RGS5: variants seen among roughly 807,000 people sequenced by gnomAD.
RGS5 encodes regulator of G protein signaling 5, also known as regulator of G-protein signalling 5.
Under a neutral mutation model 18.9 loss-of-function variants are expected in RGS5, and 20 were observed. The observed-to-expected ratio is 1.06, with a 90% CI of 0.74 to 1.54. RGS5 has a LOEUF of 1.54. Among genes scored for constraint, RGS5 ranks in the 40% most tolerant of loss-of-function variants. The pLI is 0.00. For synonymous variants in RGS5, 57 were observed against 76.2 expected (o/e 0.75, Z 1.31); for missense variants, 201 against 211.8 (o/e 0.95, Z 0.32).
Position 163,241,821 on chromosome 1 carries a change from G to C in RGS5, c.-281+64412C>G, listed in dbSNP as rs573366021. 2.0e-5 allele frequency among the ~76,000 whole-genome samples: 3 copies of C among 152,298 alleles called. No individual in the cohort carries two copies. In the South Asian group the frequency reaches 6.2e-4, roughly 32 times the overall value. Reference sequence around the variant, plus strand: ...AGAAAAAGACACAATATTTTCACTGGAGACGAAGTGTTGGCCAGTGGCTGT... The same window carrying C: ...AGAAAAAGACACAATATTTTCACTGCAGACGAAGTGTTGGCCAGTGGCTGT... On this transcript the variant is annotated intron_variant, in intron 2 of 5. Coordinates refer to the RGS5 transcript ENST00000618415.
chr1:163,282,037 G>GCA (rs200843268), intron 2 of RGS5, among the ~76,000 whole-genome samples: 6,360 of 142,748 alleles, frequency 0.045, 163 homozygotes, highest in South Asian at 0.11. Flanking sequence ...CTTCAGAAGT[G>GCA]CACGCGCGCG....
intron 1 of RGS5, among the ~76,000 whole-genome samples, chr1:163,311,018 T>C (rs1437246980): frequency 6.6e-6 from 1 of 152,136 alleles, no homozygotes; most frequent in Non-Finnish European, 1.5e-5. Flanking sequence ...CACCCCATAA[T>C]CCAATTACCT....
At chr1:163,262,418 T>G (rs1175342815) in intron 2 of RGS5, among the ~76,000 whole-genome samples, 22 of 76,868 alleles carry the variant, frequency 2.9e-4, no homozygotes, top group African/African-American at 1.1e-3. Context: ...TTTGGTTTTT[T>G]GTTCTTGCAA....
chr1:163,223,502 G>C (rs1278628227), intron 2 of RGS5, among the ~76,000 whole-genome samples: 3 of 151,756 alleles, frequency 2.0e-5, no homozygotes, highest in African/African-American at 7.3e-5. Context: ...TGGTAGGTGT[G>C]TAGGGCACAA....
chr1:163,315,546 T>TA (rs1649997011), intron 1 of RGS5, among the ~76,000 whole-genome samples: 1 of 152,216 alleles, frequency 6.6e-6, no homozygotes, highest in Non-Finnish European at 1.5e-5. Flanking sequence ...CTAGAGAGGT[T>TA]AGAGTTTAAT....
chr1:163,207,822 A>G (rs1659984889), upstream of RGS5, among the ~76,000 whole-genome samples: 1 of 152,178 alleles, frequency 6.6e-6, no homozygotes, highest in Non-Finnish European at 1.5e-5. Context: ...AAAACAGGAG[A>G]TGAAAGACAC....
chr1:163,156,482 T>C (rs958683621), intron 3 of RGS5, among the ~76,000 whole-genome samples: 4 of 152,210 alleles, frequency 2.6e-5, no homozygotes, highest in Admixed American at 6.6e-5. Flanking sequence ...TGAAGATTTT[T>C]ATCATTATGA....
intron 2 of RGS5, among the ~76,000 whole-genome samples, chr1:163,246,471 T>C (rs1055010400): frequency 6.7e-6 from 1 of 150,354 alleles, no homozygotes; most frequent in Non-Finnish European, 1.5e-5. Context: ...CTCAGGACTC[T>C]GAGGCAGGAG....
Position 163,146,198 on chromosome 1 carries a change from G to A in RGS5, c.*1144C>T, listed in dbSNP as rs1348263713. 1 of 151,600 alleles carries A rather than the reference G, an allele frequency of 6.6e-6. No homozygotes were observed. The highest frequency in any genetic ancestry group is 1.5e-5 in the Non-Finnish European group (1 of 67,946). 9.4% of individuals were successfully genotyped at this position (151,600 alleles called of 1,614,324 possible). On this transcript the variant is annotated 3_prime_UTR_variant, in exon 5 of 5. Transcript: ENST00000313961. ...CTGTAAGTAAAATTTGCTAATGCAG[G>A]AAGCGAAATAGTGAAGGAATACTGG...
At chr1:163,213,850 C>T (rs934681714) in intron 1 of RGS5, among the ~76,000 whole-genome samples, 1 of 152,126 alleles carries the variant, frequency 6.6e-6, no homozygotes, top group East Asian at 1.9e-4. Flanking sequence ...ATTAGCTTTG[C>T]ATCACTCCAC....
chr1:163,229,677 C>T (rs1300267025), intron 2 of RGS5, among the ~76,000 whole-genome samples: 2 of 152,206 alleles, frequency 1.3e-5, no homozygotes, highest in Non-Finnish European at 2.9e-5. Flanking sequence ...GAATGCTCTC[C>T]TCAGATAGCT....
chr1:163,300,013 T>C (rs1649513027), intron 2 of RGS5, among the ~76,000 whole-genome samples: 1 of 152,250 alleles, frequency 6.6e-6, no homozygotes, highest in Non-Finnish European at 1.5e-5. Flanking sequence ...CTTTCAACTT[T>C]ATAGCTTTCA....
At chr1:163,231,952 CAG>C (rs377573747) in intron 2 of RGS5, among the ~76,000 whole-genome samples, 241 of 151,276 alleles carry the variant, frequency 1.6e-3, no homozygotes, top group African/African-American at 5.6e-3. Context: ...AGAGTAAAAT[CAG>C]AGAGGCTGAT....
chr1:163,168,213 G>A (rs755787797), intron 2 of RGS5, 45 bp downstream of exon 2: 1 of 1,393,526 alleles, frequency 7.2e-7, no homozygotes, highest in Non-Finnish European at 1.0e-6. Context: ...TTGGAAAATA[G>A]CCATCCTCTG....
upstream of RGS5, among the ~76,000 whole-genome samples, chr1:163,218,777 T>A (rs1053118867): frequency 6.6e-6 from 1 of 152,092 alleles, no homozygotes; most frequent in African/African-American, 2.4e-5. Context: ...AGGAATGGGA[T>A]TATGGTAAAA....
chr1:163,167,631 C>G (rs1462238175), intron 2 of RGS5, among the ~76,000 whole-genome samples: 1 of 152,018 alleles, frequency 6.6e-6, no homozygotes, highest in African/African-American at 2.4e-5. Flanking sequence ...GAAATCCAAT[C>G]AAGAATATTA....
At chr1:163,151,098 C>A (rs760845768) in intron 4 of RGS5, among the ~76,000 whole-genome samples, 10 of 152,136 alleles carry the variant, frequency 6.6e-5, no homozygotes, top group South Asian at 4.1e-4. Flanking sequence ...TCCTGAATTC[C>A]ACAATAGGCT....
At chr1:163,173,584 T>C (rs1362641188) in intron 1 of RGS5, among the ~76,000 whole-genome samples, 9 of 152,152 alleles carry the variant, frequency 5.9e-5, no homozygotes, top group Admixed American at 2.6e-4. Context: ...ATGGTTAAAT[T>C]TTGAGAAATA....
chr1:163,191,797 G>T (rs573009331), intron 1 of RGS5, among the ~76,000 whole-genome samples: 2 of 152,256 alleles, frequency 1.3e-5, no homozygotes, highest in East Asian at 3.9e-4. Flanking sequence ...CTGGATAAGG[G>T]TTGGTCACTA....
Sources: allele counts gnomAD v4.1 joint callset (sites outside exome capture counted in the v4.1 genomes callset), GRCh38; gene constraint gnomAD v4.1.1; transcripts MANE v1.5; gene names NCBI Gene and HGNC (gene_info 2026-07-23, HGNC 2026-07-21).